ZFP62: variants seen among roughly 807,000 people sequenced by gnomAD.
ZFP62 encodes ZFP62 zinc finger protein, also known as zinc finger protein 62 homolog.
In ZFP62, 44 loss-of-function variants were observed where a neutral mutation model predicts 56.4. The observed-to-expected ratio is 0.78, with a 90% CI of 0.61 to 1.00. The LOEUF is 1.00. Ranked by LOEUF, ZFP62 falls within the 50% of genes least tolerant of loss-of-function variation. The pLI is 0.00. For missense variants in ZFP62, 1,030 were observed against 1,085.7 expected (o/e 0.95, Z 0.72); for synonymous variants, 421 against 388.9 (o/e 1.08, Z -0.97).
Position 180,849,086 on chromosome 5 carries a change from A to G in ZFP62, c.2409T>C (p.His803=), listed in dbSNP as rs1773534635. The G allele has an allele frequency of 1.3e-6, 2 of 1,552,966 alleles. No individual in the cohort carries two copies. The highest frequency in any genetic ancestry group is 1.7e-6 in the Non-Finnish European group (2 of 1,147,666). ...GCTGCTTCCCCTGGTGGACACTTTT[A>G]TGATTGATAAGACTTGAGTGTGAGA... is the stretch of plus-strand genomic sequence containing the variant. The part of the protein sequence containing the change: ...AYISHSSLIN[H]KSVHQGKQPY... The change falls in exon 2 of 2, where the codon CAT becomes CAC. Residue 803 remains histidine, a synonymous_variant. Coordinates refer to ENST00000502412, the MANE Select transcript of ZFP62 (RefSeq NM_001172638.2).
intron 1 of ZFP62, among the ~76,000 whole-genome samples, chr5:180,856,195 CTGTT>C (rs1773961156): frequency 6.6e-6 from 1 of 152,226 alleles, no homozygotes; most frequent in Non-Finnish European, 1.5e-5. Context: ...TTAAACCCCT[CTGTT>C]TGGGTTGGGG....
chr5:180,833,462 CG>C, the ZFP62 span, among the ~76,000 whole-genome samples: 104 of 132,596 alleles, frequency 7.8e-4, 1 homozygote, highest in Middle Eastern at 4.2e-3. Flanking sequence ...CTGGGCGATA[CG>C]GTGAAACTCT....
intron 1 of ZFP62, among the ~76,000 whole-genome samples, chr5:180,852,297 C>A (rs1198357844): frequency 6.6e-6 from 1 of 152,106 alleles, no homozygotes; most frequent in Non-Finnish European, 1.5e-5. Flanking sequence ...GTGGCTCACA[C>A]CTGTAATCCC....
At chr5:180,828,066 T>A in the ZFP62 span, among the ~76,000 whole-genome samples, 5 of 152,232 alleles carry the variant, frequency 3.3e-5, no homozygotes, top group African/African-American at 1.2e-4. Context: ...CAATAAATAC[T>A]AAGGGAACTC....
At chr5:180,828,307 T>C in the ZFP62 span, among the ~76,000 whole-genome samples, 1 of 152,030 alleles carries the variant, frequency 6.6e-6, no homozygotes, top group Non-Finnish European at 1.5e-5. Context: ...TGTTTTGGAG[T>C]TGACACCTAG....
At chr5:180,860,106 G>A (rs1399802840) in intron 1 of ZFP62, among the ~76,000 whole-genome samples, 1 of 152,182 alleles carries the variant, frequency 6.6e-6, no homozygotes, top group Non-Finnish European at 1.5e-5. Context: ...AGACCAGTAA[G>A]ATAAAGTGAA....
chr5:180,846,677 T>A (rs551479237), downstream of ZFP62, among the ~76,000 whole-genome samples: 1 of 152,310 alleles, frequency 6.6e-6, no homozygotes, highest in South Asian at 2.1e-4. Flanking sequence ...TCTTGGTTGG[T>A]CCTAGTCGCT....
At chr5:180,828,594 T>C in the ZFP62 span, among the ~76,000 whole-genome samples, 3 of 152,384 alleles carry the variant, frequency 2.0e-5, no homozygotes, top group South Asian at 4.1e-4. Flanking sequence ...AATCCTGTTA[T>C]CTTCATAAGC....
intron 1 of ZFP62, among the ~76,000 whole-genome samples, chr5:180,860,100 C>T (rs1774223070): frequency 6.6e-6 from 1 of 152,076 alleles, no homozygotes; most frequent in South Asian, 2.1e-4. Flanking sequence ...ATGTAGAGAC[C>T]AGTAAGATAA....
chr5:180,833,803 TG>T, the ZFP62 span, among the ~76,000 whole-genome samples: 5 of 151,982 alleles, frequency 3.3e-5, no homozygotes, highest in East Asian at 9.8e-4. Context: ...CCTGAGTAGC[TG>T]GGATTACAGG....
chr5:180,834,216 ATGTT>A, the ZFP62 span: 1 of 152,206 alleles, frequency 6.6e-6, no homozygotes, highest in East Asian at 1.9e-4. Flanking sequence ...TATAGAACAG[ATGTT>A]TGTTCTCTCA....
the ZFP62 span, among the ~76,000 whole-genome samples, chr5:180,828,907 C>T: frequency 6.6e-6 from 1 of 152,178 alleles, no homozygotes; most frequent in Non-Finnish European, 1.5e-5. Flanking sequence ...GGAATGCATT[C>T]CTGGGGGTAG....
the ZFP62 span, among the ~76,000 whole-genome samples, chr5:180,827,627 C>G: frequency 1.3e-5 from 2 of 152,346 alleles, no homozygotes; most frequent in East Asian, 3.9e-4. Context: ...ATGTGATAGT[C>G]TGCAATATGG....
chr5:180,860,137 A>G (rs1774225270), intron 1 of ZFP62, among the ~76,000 whole-genome samples: 1 of 152,188 alleles, frequency 6.6e-6, no homozygotes, highest in African/African-American at 2.4e-5. Flanking sequence ...AGTTAGAAGG[A>G]TTTCTATCAC....
chr5:180,843,052 A>T (rs1170692078), downstream of ZFP62, among the ~76,000 whole-genome samples: 1 of 149,040 alleles, frequency 6.7e-6, no homozygotes, highest in Non-Finnish European at 1.5e-5. Flanking sequence ...AAAAAAAAAA[A>T]ATAAATAAAT....
chr5:180,830,023 T>C, the ZFP62 span: 1 of 152,106 alleles, frequency 6.6e-6, no homozygotes, highest in Non-Finnish European at 1.5e-5. Context: ...ATCTCCACAA[T>C]GGGTGTGCTA....
At chr5:180,853,798 G>T (rs1007983401) in intron 1 of ZFP62, among the ~76,000 whole-genome samples, 1 of 152,138 alleles carries the variant, frequency 6.6e-6, no homozygotes, top group Non-Finnish European at 1.5e-5. Flanking sequence ...TGAACAAAGC[G>T]ATTCTGAAAC....
At chr5:180,842,355 A>G in the ZFP62 span, among the ~76,000 whole-genome samples, 1 of 152,256 alleles carries the variant, frequency 6.6e-6, no homozygotes, top group Non-Finnish European at 1.5e-5. Flanking sequence ...CTCATGAAAG[A>G]TAAATACACA....
At chr5:180,845,500 T>C (rs1345641810), downstream of ZFP62, among the ~76,000 whole-genome samples, 5 of 152,150 alleles carry the variant, frequency 3.3e-5, no homozygotes, top group Non-Finnish European at 7.4e-5. Context: ...ACAGGTTTCA[T>C]GCAAACGGCT....
Sources: allele counts gnomAD v4.1 joint callset (sites outside exome capture counted in the v4.1 genomes callset), GRCh38; gene constraint gnomAD v4.1.1; transcripts MANE v1.5; gene names NCBI Gene and HGNC (gene_info 2026-07-23, HGNC 2026-07-21).